The following VGLL4 variants were observed in gnomAD, a reference collection of about 807,000 sequenced individuals.
The protein encoded by VGLL4 is vestigial like family member 4.
In VGLL4, 7 loss-of-function variants were observed where a neutral mutation model predicts 21.0. The observed-to-expected ratio is 0.33, with a 90% CI of 0.19 to 0.63. The LOEUF is 0.63. Ranked by LOEUF, VGLL4 falls within the 20% of genes least tolerant of loss-of-function variation. The pLI is 0.78. For synonymous variants in VGLL4, 222 were observed against 173.2 expected, an observed-to-expected ratio of 1.28 and a Z score of -2.21; for missense variants, 394 against 425.7, an observed-to-expected ratio of 0.93 and a Z score of 0.66.
At chr3:11,559,228 A>C in intron 4 of VGLL4, 104 bp downstream of exon 4, 1 of 1,434,962 alleles carries the variant, frequency 7.0e-7, no homozygotes, top group Non-Finnish European at 9.1e-7. Flanking sequence ...AACCTCAGCA[A>C]TAGATGGGCT....
chr3:11,680,169 T>C (rs2076349335), intron 2 of VGLL4, among the ~76,000 whole-genome samples: 1 of 152,192 alleles, frequency 6.6e-6, no homozygotes. Flanking sequence ...CCACACAGCC[T>C]AGGTGTGCAG....
Position 11,610,287 on chromosome 3 carries a change from G to A in VGLL4, c.83-8265C>T, listed in dbSNP as rs563740158. On this transcript the variant is annotated intron_variant, in intron 1 of 4. Coordinates refer to ENST00000430365, the MANE Select transcript of VGLL4 (RefSeq NM_001128219.3). ...TCAAATAATACTTCTTTGTCTCACG[G>A]TCGAGCAGCTGGGGAGAAGACACCG... 7.9e-5 allele frequency: 12 copies of A among 152,322 alleles called. 1 individual carries two copies. The highest frequency in any genetic ancestry group is 5.9e-4 in the Admixed American group (9 of 15,304). The allele number at this position is 152,322 out of a possible 1,614,324, so 9.4% of individuals were successfully genotyped here. A position where few individuals can be genotyped will look rare whatever the true frequency, so the allele number is the denominator to read the frequency against.
chr3:11,563,930 A>T (rs1465590703), intron 3 of VGLL4, among the ~76,000 whole-genome samples: 2 of 152,172 alleles, frequency 1.3e-5, no homozygotes, highest in Non-Finnish European at 2.9e-5. Flanking sequence ...AGACACGGAC[A>T]CCAGGCAGTG....
chr3:11,681,143 G>T (rs2076362939), intron 2 of VGLL4, among the ~76,000 whole-genome samples: 1 of 152,192 alleles, frequency 6.6e-6, no homozygotes, highest in South Asian at 2.1e-4. Context: ...TGCCGCCCAG[G>T]CTGGAGTGCA....
At position 11,568,984 on chromosome 3, in the gene VGLL4, TACA is replaced by T; in HGVS notation, c.273-3968_273-3966del. 8.9e-7 allele frequency: 1 copy of T among 1,126,588 alleles called. No homozygotes were observed. The allele number at this position is 1,126,588 out of a possible 1,614,324, so 69.8% of individuals were successfully genotyped here. A position where few individuals can be genotyped will look rare whatever the true frequency, so the allele number is the denominator to read the frequency against. On this transcript the variant is annotated intron_variant, in intron 2 of 4. Transcript: ENST00000430365. The surrounding 1 kb of genome is among the most constrained non-coding windows in gnomAD (Gnocchi z 5.9). ...AAGAGGAGGGAGGGAAAGAGAGGCC[TACA>T]ACACCATCATCCAGGACAGAGCTTT...
intron 1 of VGLL4, among the ~76,000 whole-genome samples, chr3:11,607,031 A>C (rs915560752): frequency 5.3e-5 from 8 of 152,318 alleles, no homozygotes; most frequent in Non-Finnish European, 1.2e-4. Context: ...ACAGTCTGAC[A>C]GCTCCTCAAC....
At chr3:11,639,279 T>C (rs1388603397) in intron 1 of VGLL4, among the ~76,000 whole-genome samples, 1 of 152,234 alleles carries the variant, frequency 6.6e-6, no homozygotes, top group Non-Finnish European at 1.5e-5. Context: ...GGACTGGCTC[T>C]GGAGCTGGCA....
chr3:11,615,777 G>C (rs185123090), intron 1 of VGLL4, among the ~76,000 whole-genome samples: 1 of 152,288 alleles, frequency 6.6e-6, no homozygotes, highest in Non-Finnish European at 1.5e-5. Context: ...TTCAGCACAA[G>C]TCCAACTGGG....
In VGLL4 at chr3:11,717,490, A is replaced by ATTTTTTTTTTTTTT. The variant is rs60921966; in HGVS notation, c.-14+2890_-14+2903dup. Among the ~76,000 whole-genome samples the ATTTTTTTTTTTTTT allele has an allele frequency of 7.5e-4, 55 of 72,944 alleles. 7 individuals carry two copies. The highest frequency in any genetic ancestry group is 3.3e-3 in the African/African-American group (51 of 15,382). 47.9% of individuals were successfully genotyped at this position (72,944 alleles called of 152,430 possible). A position where few individuals can be genotyped will look rare whatever the true frequency, so the allele number is the denominator to read the frequency against. On this transcript the variant is annotated intron_variant, in intron 1 of 5. Transcript: ENST00000273038. ...AGTTAAGAGGAATTTCCCACTACAG[A>ATTTTTTTTTTTTTT]TTTTTTTTTTTTTTTTTTTTTTTTG...
At chr3:11,617,063 TAAA>T (rs575071363) in intron 1 of VGLL4, among the ~76,000 whole-genome samples, 1 of 149,372 alleles carries the variant, frequency 6.7e-6, no homozygotes, top group Non-Finnish European at 1.5e-5. Flanking sequence ...AAATAAAAAA[TAAA>T]AAGAGATGCA....
chr3:11,589,626 C>T lies in VGLL4; in HGVS notation c.272+12207G>A, dbSNP rs567835087. Among the ~76,000 whole-genome samples the T allele has an allele frequency of 9.2e-5, 14 of 152,296 alleles. No individual in the cohort carries two copies. In the South Asian group the frequency reaches 2.7e-3, roughly 29 times the overall value. On this transcript the variant is annotated intron_variant, in intron 2 of 4. Transcript: ENST00000430365. ...AAGGATTCTGTCTTAGCTTGAGCTG[C>T]CATAACAAAATACTGTGGACTTCGT...
chr3:11,573,174 AAGAC>A (rs1000092869), intron 2 of VGLL4, among the ~76,000 whole-genome samples: 28 of 151,536 alleles, frequency 1.8e-4, no homozygotes, highest in East Asian at 3.9e-4. Context: ...TCAAGAAAGA[AAGAC>A]AGACAGACAG....
At chr3:11,564,108 C>CG (rs1559858750) in intron 3 of VGLL4, among the ~76,000 whole-genome samples, 4 of 152,194 alleles carry the variant, frequency 2.6e-5, no homozygotes, top group Non-Finnish European at 1.5e-5. Context: ...CCTGGAGATT[C>CG]GGAGAGCTCA....
chr3:11,627,627 CTGAGAA>C (rs2075383300), intron 1 of VGLL4, among the ~76,000 whole-genome samples: 1 of 148,910 alleles, frequency 6.7e-6, no homozygotes, highest in African/African-American at 2.5e-5. Flanking sequence ...AATCAATGTT[CTGAGAA>C]TAAGATCATC....
At chr3:11,703,017 A>G (rs2076705040) in exon 2 of VGLL4, 1 of 1,613,042 alleles carries the variant, frequency 6.2e-7, no homozygotes, top group African/African-American at 1.3e-5. Flanking sequence ...TGGACAAAAC[A>G]TCCAATGGCG....
intron 1 of VGLL4, among the ~76,000 whole-genome samples, chr3:11,615,403 T>C (rs1371270277): frequency 6.6e-6 from 1 of 152,226 alleles, no homozygotes; most frequent in African/African-American, 2.4e-5. Flanking sequence ...AATCATTTCT[T>C]TATGATTAGA....
At position 11,603,755 on chromosome 3, in the gene VGLL4, C is replaced by T. The variant is rs191623190; in HGVS notation, c.83-1733G>A. ...ATGAGGAGTCCTCGGGCTTGGACCC[C>T]CGAACTGTGGTCATCATTTCATCAG... On this transcript the variant is annotated intron_variant, in intron 1 of 4. Transcript: ENST00000430365. Among the ~76,000 whole-genome samples, 8 of 152,264 alleles carry T rather than the reference C, an allele frequency of 5.3e-5. No individual in the cohort carries two copies. The East Asian group carries it at 1.6e-3, about 30-fold the overall frequency.
At chr3:11,614,127 A>G (rs1013619866) in intron 1 of VGLL4, among the ~76,000 whole-genome samples, 1 of 152,242 alleles carries the variant, frequency 6.6e-6, no homozygotes, top group African/African-American at 2.4e-5. Flanking sequence ...CTGGACTTAC[A>G]GGCTTTCTTC....
intron 1 of VGLL4, among the ~76,000 whole-genome samples, chr3:11,618,375 G>T (rs2075204815): frequency 2.0e-5 from 3 of 152,200 alleles, no homozygotes; most frequent in African/African-American, 7.2e-5. Context: ...TCAAAAGTAT[G>T]TGACTAGCTT....
Sources: gnomAD v4.1 joint callset for allele counts (sites outside exome capture counted in the v4.1 genomes callset) on GRCh38, gnomAD v4.1.1 for gene constraint, Gnocchi (gnomAD v3.1) non-coding constraint, MANE v1.5 for transcripts, NCBI Gene and HGNC (gene_info 2026-07-23, HGNC 2026-07-21) for gene names.